The following LCLAT1 variants were observed in gnomAD, a reference collection of about 807,000 sequenced individuals.
LCLAT1 encodes lysocardiolipin acyltransferase 1.
Under a neutral mutation model 30.7 loss-of-function variants are expected in LCLAT1, and 11 were observed. That is an observed-to-expected ratio of 0.36 (90% CI 0.23 to 0.59). The LOEUF is 0.59. Ranked by LOEUF, LCLAT1 falls within the 20% of genes least tolerant of loss-of-function variation. LCLAT1 has a pLI of 0.77. For synonymous variants in LCLAT1, 155 were observed against 151.3 expected (o/e 1.02, Z -0.18); for missense variants, 402 against 458.6 (o/e 0.88, Z 1.13).
intron 1 of LCLAT1, among the ~76,000 whole-genome samples, chr2:30,462,015 G>A (rs1043683804): frequency 1.1e-4 from 17 of 151,534 alleles, no homozygotes; most frequent in African/African-American, 2.9e-4. Flanking sequence ...CTCGTGATCC[G>A]CCCGCCTCGG....
At chr2:30,533,414 C>A in intron 3 of LCLAT1, 100 bp downstream of exon 3, 1 of 942,634 alleles carries the variant, frequency 1.1e-6, no homozygotes, top group Non-Finnish European at 1.7e-6. Flanking sequence ...CATTTTTTTC[C>A]TCACTGGGCC....
intron 5 of LCLAT1, among the ~76,000 whole-genome samples, chr2:30,574,544 C>G (rs140591519): frequency 2.6e-5 from 4 of 152,234 alleles, no homozygotes; most frequent in African/African-American, 9.6e-5. Flanking sequence ...TCCATGTTGG[C>G]TAATGGAATA....
chr2:30,483,060 A>T (rs906296532), intron 1 of LCLAT1, among the ~76,000 whole-genome samples: 1 of 152,190 alleles, frequency 6.6e-6, no homozygotes, highest in African/African-American at 2.4e-5. Context: ...ATTTAAATAA[A>T]TTTGGACTTT....
intron 5 of LCLAT1, among the ~76,000 whole-genome samples, chr2:30,628,006 A>C (rs1363067336): frequency 6.6e-6 from 1 of 152,180 alleles, no homozygotes; most frequent in Non-Finnish European, 1.5e-5. Flanking sequence ...TTTTTGCTGC[A>C]ATCTATAAGG....
At chr2:30,496,430 C>A (rs557029030) in intron 1 of LCLAT1, among the ~76,000 whole-genome samples, 1 of 152,148 alleles carries the variant, frequency 6.6e-6, no homozygotes, top group Admixed American at 6.5e-5. Flanking sequence ...GTCTTTCTTC[C>A]GGGTACTGTA....
intron 1 of LCLAT1, among the ~76,000 whole-genome samples, chr2:30,519,970 G>T (rs763468948): frequency 6.6e-6 from 1 of 152,186 alleles, no homozygotes; most frequent in Non-Finnish European, 1.5e-5. Context: ...TTCTGATCCG[G>T]GGAGGTGCCC....
intron 1 of LCLAT1, among the ~76,000 whole-genome samples, chr2:30,475,745 C>G (rs568132076): frequency 1.3e-5 from 2 of 152,226 alleles, no homozygotes; most frequent in East Asian, 3.9e-4. Flanking sequence ...ATATGTGATG[C>G]CCTCTAGTGA....
chr2:30,571,369 G>A (rs943793923), intron 5 of LCLAT1, among the ~76,000 whole-genome samples: 1 of 152,198 alleles, frequency 6.6e-6, no homozygotes, highest in African/African-American at 2.4e-5. Context: ...GGACGCTCAT[G>A]TTTGTCTACA....
At chr2:30,557,108 C>A (rs757319786) in intron 3 of LCLAT1, among the ~76,000 whole-genome samples, 7 of 152,102 alleles carry the variant, frequency 4.6e-5, no homozygotes, top group Non-Finnish European at 1.0e-4. Context: ...TTTCTACTAA[C>A]TCATTGTATT....
intron 1 of LCLAT1, among the ~76,000 whole-genome samples, chr2:30,463,497 CTG>C: frequency 6.6e-6 from 1 of 152,330 alleles, no homozygotes; most frequent in African/African-American, 2.4e-5. Flanking sequence ...GTCAGCCCCT[CTG>C]TATCCACAGG....
intron 1 of LCLAT1, among the ~76,000 whole-genome samples, chr2:30,462,051 C>T (rs1295231996): frequency 6.6e-6 from 1 of 152,086 alleles, no homozygotes; most frequent in Non-Finnish European, 1.5e-5. Context: ...GGATTACAGG[C>T]GTGAGCCACC....
At chr2:30,517,390 G>A (rs1237817834) in intron 1 of LCLAT1, among the ~76,000 whole-genome samples, 4 of 152,106 alleles carry the variant, frequency 2.6e-5, no homozygotes, top group African/African-American at 9.7e-5. Context: ...CACCACCCTT[G>A]CCAGGGCCCC....
At position 30,598,262 on chromosome 2, in the gene LCLAT1, G is replaced by T. The variant is rs2602805; in HGVS notation, c.628+30086G>T. 2.6e-5 allele frequency among the ~76,000 whole-genome samples: 4 copies of T among 152,008 alleles called. No individual in the cohort carries two copies. In the South Asian group the frequency reaches 8.3e-4, roughly 32 times the overall value. Reference sequence around the variant, plus strand: ...TCTGGTAGAATTCGGCTGTAAATCTGTCTGGTCCTGGGCTTTTTTTGGTTG... The same window carrying T: ...TCTGGTAGAATTCGGCTGTAAATCTTTCTGGTCCTGGGCTTTTTTTGGTTG... On this transcript the variant is annotated intron_variant, in intron 5 of 5. Coordinates refer to ENST00000379509, the MANE Select transcript of LCLAT1 (RefSeq NM_001002257.3).
At chr2:30,545,113 G>A (rs13417949) in intron 3 of LCLAT1, among the ~76,000 whole-genome samples, 19,342 of 152,066 alleles carry the variant, frequency 0.13, 1,362 homozygotes, top group South Asian at 0.23. Flanking sequence ...TTAGAACCTC[G>A]AAAGCAAACA....
At chr2:30,535,590 C>T (rs1236298586) in intron 3 of LCLAT1, among the ~76,000 whole-genome samples, 2 of 152,218 alleles carry the variant, frequency 1.3e-5, no homozygotes, top group African/African-American at 4.8e-5. Flanking sequence ...GTCTATATTA[C>T]TGTTCTTACA....
At chr2:30,472,461 G>GT (rs1460620849) in intron 1 of LCLAT1, among the ~76,000 whole-genome samples, 1 of 152,086 alleles carries the variant, frequency 6.6e-6, no homozygotes, top group East Asian at 1.9e-4. Flanking sequence ...ACCAGTTTTT[G>GT]TTTATGAGGC....
intron 1 of LCLAT1, among the ~76,000 whole-genome samples, chr2:30,494,695 G>A (rs1286520392): frequency 6.6e-6 from 1 of 150,788 alleles, no homozygotes; most frequent in African/African-American, 2.4e-5. Flanking sequence ...TTAAACGTCT[G>A]CAGTAGCTTT....
In LCLAT1 at chr2:30,533,285, A is replaced by G; in HGVS notation, c.335A>G (p.Lys112Arg). ...CTCAGATTGGAGAAAATTTGCCTCA[A>G]AGCGAGTCTCAAAGGTGTTCCTGGA... ...SYLRLEKICL[K>R]ASLKGVPGFG... Residue 112 changes from lysine (K) to arginine (R), a missense_variant, in exon 3 of 6, where the codon AAA (lysine) becomes AGA (arginine). Transcript: ENST00000379509. 5 of 1,614,116 alleles carry G rather than the reference A, an allele frequency of 3.1e-6. No homozygotes were observed. The highest frequency in any genetic ancestry group is 4.2e-6 in the Non-Finnish European group (5 of 1,179,972).
At chr2:30,600,875 C>T (rs1282076411) in intron 5 of LCLAT1, among the ~76,000 whole-genome samples, 4 of 152,084 alleles carry the variant, frequency 2.6e-5, no homozygotes, top group African/African-American at 9.7e-5. Flanking sequence ...TCTTGAAATA[C>T]GTTTTCCAAC....
Sources: allele counts gnomAD v4.1 joint callset (sites outside exome capture counted in the v4.1 genomes callset), GRCh38; gene constraint gnomAD v4.1.1; transcripts MANE v1.5; gene names NCBI Gene and HGNC (gene_info 2026-07-23, HGNC 2026-07-21).